DUSP7: variants seen among roughly 807,000 people sequenced by gnomAD.
The protein encoded by DUSP7 is dual specificity protein phosphatase 7.
A neutral mutation model predicts 29.8 loss-of-function variants in DUSP7; 7 were observed. The observed-to-expected ratio is 0.24, with a 90% CI of 0.13 to 0.44. The LOEUF (loss-of-function observed/expected upper bound fraction) is 0.44. Ranked by LOEUF, DUSP7 falls within the 20% of genes least tolerant of loss-of-function variation. The probability of loss-of-function intolerance (pLI) is 1.00; values close to 1 mark genes in which losing one functional copy is unlikely to be tolerated. For missense variants in DUSP7, 400 were observed against 583.7 expected, an observed-to-expected ratio of 0.69 and a Z score of 3.24; for synonymous variants, 287 against 275.4, an observed-to-expected ratio of 1.04 and a Z score of -0.42.
intron 1 of DUSP7, among the ~76,000 whole-genome samples, chr3:52,055,230 CG>C (rs1449712036): frequency 2.6e-5 from 4 of 152,092 alleles, no homozygotes; most frequent in Non-Finnish European, 1.5e-5. Context: ...ACTCGCCCCC[CG>C]GTGCTACCTC....
In DUSP7 at chr3:52,049,548, AG is replaced by A. The variant is rs1476795649; in HGVS notation, c.*1266del. ...GGCAGTAGAAGGCATGGGCAAGATG[AG>A]GGCAGGGCAAGCTTCCAAGGGGACA... On this transcript the variant is annotated 3_prime_UTR_variant, in exon 3 of 3. Transcript: ENST00000495880. The A allele has an allele frequency of 6.6e-6, 1 of 152,364 alleles. No individual in the cohort carries two copies. Among genetic ancestry groups the A allele is most frequent in the Non-Finnish European group, 1.5e-5 (1 of 68,160 alleles). 9.4% of individuals were successfully genotyped at this position (152,364 alleles called of 1,614,324 possible).
Position 52,053,594 on chromosome 3 carries a change from G to T in DUSP7, c.952+346C>A. 3.0e-6 allele frequency: 1 copy of T among 336,564 alleles called. No homozygotes were observed. The highest frequency in any genetic ancestry group is 5.7e-6 in the Non-Finnish European group (1 of 176,562). 20.8% of individuals were successfully genotyped at this position (336,564 alleles called of 1,614,324 possible). ...TGTGCTGAGGCGTGATGCGGAGCAA[G>T]TGAGACCCGTGGGAGGTCTGTGCGC... On this transcript the variant is annotated intron_variant, in intron 2 of 2. Transcript: ENST00000495880. This position sits in a 1 kb window ranked among gnomAD's most constrained non-coding sequence, Gnocchi z 4.6.
rs890114495 is a variant in DUSP7, at chr3:52,056,544, C to A, written c.-178G>T. The A allele has an allele frequency of 1.7e-5, 3 of 175,440 alleles. No individual in the cohort carries two copies. The highest frequency in any genetic ancestry group is 7.2e-5 in the African/African-American group (3 of 41,440). The allele number at this position is 175,440 out of a possible 1,614,324, so 10.9% of individuals were successfully genotyped here. Reference sequence around the variant, plus strand: ...GCCCGCCCGCCCGGCCCTCCGCGCGCACCGCGGCCTGACAGCCCCAATTAA... The same window carrying A: ...GCCCGCCCGCCCGGCCCTCCGCGCGAACCGCGGCCTGACAGCCCCAATTAA... On this transcript the variant is annotated 5_prime_UTR_variant, in exon 1 of 3. Transcript: ENST00000495880. This position sits in a 1 kb window ranked among gnomAD's most constrained non-coding sequence, Gnocchi z 6.4.
chr3:52,054,272 A>G lies in DUSP7; in HGVS notation c.620T>C (p.Leu207Pro). Residue 207 changes from leucine to proline, a missense_variant, in exon 2 of 3, where the codon CTG becomes CCG. By Grantham distance (98) the Leu-to-Pro change is moderately conservative. Transcript: ENST00000495880. This position sits in a 1 kb window ranked among gnomAD's most constrained non-coding sequence, Gnocchi z 4.1. ...SSSPPTSVLG[L>P]GGLRISSDCS... is the part of the protein sequence containing the mutation. Reference sequence around the variant, plus strand: ...GTCAGAGCTGATGCGCAGGCCCCCCAGGCCCAGCACTGAGGTGGGTGGCGA... The same window carrying G: ...GTCAGAGCTGATGCGCAGGCCCCCCGGGCCCAGCACTGAGGTGGGTGGCGA... The G allele has an allele frequency of 6.2e-7, 1 of 1,605,244 alleles. No individual in the cohort carries two copies. Among genetic ancestry groups the G allele is most frequent in the Non-Finnish European group, 8.5e-7 (1 of 1,174,540 alleles).
rs2106895745 is a variant in DUSP7, at chr3:52,056,474, T to TGCGCGCCCGCCGCCCC, written c.-124_-109dup. The TGCGCGCCCGCCGCCCC allele has an allele frequency of 1.9e-6, 1 of 515,358 alleles. No homozygotes were observed. The highest frequency in any genetic ancestry group is 2.5e-6 in the Non-Finnish European group (1 of 403,606). 31.9% of individuals were successfully genotyped at this position (515,358 alleles called of 1,614,324 possible). On this transcript the variant is annotated 5_prime_UTR_variant, in exon 1 of 3. Coordinates refer to ENST00000495880, the MANE Select transcript of DUSP7 (RefSeq NM_001947.4). The surrounding 1 kb of genome is among the most constrained non-coding windows in gnomAD (Gnocchi z 6.4). Reference sequence around the variant, plus strand: ...TCCGGGCGCCCGCCTCCCGCCGAGCTGCGCGCCCGCCGCCCCGGCCTCCCG... The same window carrying TGCGCGCCCGCCGCCCC: ...TCCGGGCGCCCGCCTCCCGCCGAGCTGCGCGCCCGCCGCCCCGCGCGCCCGCCGCCCCGGCCTCCCG...
chr3:52,054,579 G>A lies in DUSP7; in HGVS notation c.518-205C>T, dbSNP rs540917180. Among the ~76,000 whole-genome samples, 2 of 152,260 alleles carry A rather than the reference G, an allele frequency of 1.3e-5. No homozygotes were observed. Among genetic ancestry groups the A allele is most frequent in the Admixed American group, 1.3e-4 (2 of 15,300 alleles). Reference sequence around the variant, plus strand: ...ACCACTTCACAGATAAGGAAACTGAGGCCCCAGAAGGTGAAGTGACGTGCC... The same window carrying A: ...ACCACTTCACAGATAAGGAAACTGAAGCCCCAGAAGGTGAAGTGACGTGCC... On this transcript the variant is annotated intron_variant, in intron 1 of 2. Coordinates refer to ENST00000495880, the MANE Select transcript of DUSP7 (RefSeq NM_001947.4). The surrounding 1 kb of genome is among the most constrained non-coding windows in gnomAD (Gnocchi z 4.1).
Position 52,055,931 on chromosome 3 carries a change from C to T in DUSP7, c.436G>A (p.Glu146Lys). 1 of 1,540,420 alleles carries T rather than the reference C, an allele frequency of 6.5e-7. No homozygotes were observed. ...YDEATAEWQP[E>K]PGAPASVLGL... The stretch of plus-strand genomic sequence containing the variant: ...AGCACGGAGGCGGGAGCGCCGGGCT[C>T]GGGCTGCCACTCGGCCGTGGCCTCG... The change falls in exon 1 of 3, where the codon GAG becomes AAG. Residue 146 changes from glutamate to lysine, a missense_variant. Around this residue, in one of 4 missense-constraint regions of DUSP7, gnomAD observed 223 missense variants for 360.9 expected, o/e 0.62. Coordinates refer to ENST00000495880, the MANE Select transcript of DUSP7 (RefSeq NM_001947.4).
chr3:52,056,026 A>C lies in DUSP7; in HGVS notation c.341T>G (p.Ile114Ser). The change falls in exon 1 of 3, where the codon ATC (isoleucine) becomes AGC (serine). Residue 114 changes from isoleucine (I) to serine (S), a missense_variant. Ile to Ser is a moderately radical substitution (Grantham distance 142). Around this residue, in one of 4 missense-constraint regions of DUSP7, gnomAD observed 223 missense variants for 360.9 expected, o/e 0.62. Transcript: ENST00000495880. This position sits in a 1 kb window ranked among gnomAD's most constrained non-coding sequence, Gnocchi z 6.4. Reference protein sequence around the residue: ...LRKGNLPIRSIIPNHADKERF... With the variant: ...LRKGNLPIRSSIPNHADKERF... ...CTCCTTGTCGGCGTGGTTGGGGATG[A>C]TGGAGCGGATGGGCAGGTTGCCCTT... 1 of 1,594,508 alleles carries C rather than the reference A, an allele frequency of 6.3e-7. No individual in the cohort carries two copies. Among genetic ancestry groups the C allele is most frequent in the Non-Finnish European group, 8.5e-7 (1 of 1,170,888 alleles).
Position 52,054,202 on chromosome 3 carries a change from G to A in DUSP7, c.690C>T (p.Thr230=), listed in dbSNP as rs1437393473. Residue 230 remains threonine (T), a synonymous_variant, in exon 2 of 3, where the codon ACC becomes ACT. Transcript: ENST00000495880. This position sits in a 1 kb window ranked among gnomAD's most constrained non-coding sequence, Gnocchi z 4.1. ...ESDRELPSSA[T]ESDGSPVPSS... ...ATGGCACAGGGCTGCCGTCTGACTCGGTGGCACTGCTGGGCAGCTCTCGGT... is the reference window on the plus strand; with the variant it reads ...ATGGCACAGGGCTGCCGTCTGACTCAGTGGCACTGCTGGGCAGCTCTCGGT... 2.5e-6 allele frequency: 4 copies of A among 1,612,958 alleles called. No individual in the cohort carries two copies. The highest frequency in any genetic ancestry group is 4.5e-5 in the East Asian group (2 of 44,852).
Position 52,054,383 on chromosome 3 carries a change from A to C in DUSP7, c.518-9T>G, listed in dbSNP as rs763158547. On this transcript the variant is annotated splice_polypyrimidine_tract_variant and intron_variant, in intron 1 of 2. Coordinates refer to ENST00000495880, the MANE Select transcript of DUSP7 (RefSeq NM_001947.4). The surrounding 1 kb of genome is among the most constrained non-coding windows in gnomAD (Gnocchi z 4.1). ...AAACTTGTTGAAACCACCTGTGTCC[A>C]GGGTGAGACAGGGCCTGGGTGAGAG... is the stretch of plus-strand genomic sequence containing the variant. 3 of 1,521,506 alleles carry C rather than the reference A, an allele frequency of 2.0e-6. No individual in the cohort carries two copies. The highest frequency in any genetic ancestry group is 2.6e-6 in the Non-Finnish European group (3 of 1,135,380). 94.3% of individuals were successfully genotyped at this position (1,521,506 alleles called of 1,614,324 possible).
rs1157980015 is a variant in DUSP7, at chr3:52,056,397, G to A, written c.-31C>T. The stretch of plus-strand genomic sequence containing the variant: ...GCGCGGGCGGCCCGGGGCCGGGGCC[G>A]GGCAGCCCTGCCCTGGGACGGCGCC... On this transcript the variant is annotated 5_prime_UTR_variant, in exon 1 of 3. Coordinates refer to ENST00000495880, the MANE Select transcript of DUSP7 (RefSeq NM_001947.4). The surrounding 1 kb of genome is among the most constrained non-coding windows in gnomAD (Gnocchi z 6.4). The A allele has an allele frequency of 3.9e-6, 4 of 1,020,976 alleles. No individual in the cohort carries two copies. The highest frequency in any genetic ancestry group is 3.5e-5 in the African/African-American group (2 of 57,436). 63.2% of individuals were successfully genotyped at this position (1,020,976 alleles called of 1,614,324 possible). A position where few individuals can be genotyped will look rare whatever the true frequency, so the allele number is the denominator to read the frequency against.
chr3:52,054,001 G>A lies in DUSP7; in HGVS notation c.891C>T (p.Pro297=). Residue 297 remains proline, a synonymous_variant, in exon 2 of 3, where the codon CCC becomes CCT. Transcript: ENST00000495880. The surrounding 1 kb of genome is among the most constrained non-coding windows in gnomAD (Gnocchi z 4.1). ...GGTTCTGGCTCCAGTGGTCAGAGAT[G>A]GGGATCTGCTTGTAGGTGAACTCGC... The part of the protein sequence containing the change: ...HGGEFTYKQI[P]ISDHWSQNLS... 1.2e-6 allele frequency: 2 copies of A among 1,614,206 alleles called. No individual in the cohort carries two copies. Among genetic ancestry groups the A allele is most frequent in the African/African-American group, 1.3e-5 (1 of 75,048 alleles).
Position 52,054,394 on chromosome 3 carries a change from G to C in DUSP7, c.518-20C>G. ...AACCACCTGTGTCCAGGGTGAGACAGGGCCTGGGTGAGAGGCTGGTGAGAG... is the reference window on the plus strand; with the variant it reads ...AACCACCTGTGTCCAGGGTGAGACACGGCCTGGGTGAGAGGCTGGTGAGAG... On this transcript the variant is annotated intron_variant, in intron 1 of 2. Coordinates refer to ENST00000495880, the MANE Select transcript of DUSP7 (RefSeq NM_001947.4). This position sits in a 1 kb window ranked among gnomAD's most constrained non-coding sequence, Gnocchi z 4.1. 1 of 1,517,082 alleles carries C rather than the reference G, an allele frequency of 6.6e-7. No individual in the cohort carries two copies. The highest frequency in any genetic ancestry group is 8.8e-7 in the Non-Finnish European group (1 of 1,133,482). The allele number at this position is 1,517,082 out of a possible 1,614,324, so 94.0% of individuals were successfully genotyped here. A position where few individuals can be genotyped will look rare whatever the true frequency, so the allele number is the denominator to read the frequency against.
In DUSP7 at chr3:52,056,506, C is replaced by T. The variant is rs980862391; in HGVS notation, c.-140G>A. On this transcript the variant is annotated 5_prime_UTR_variant, in exon 1 of 3. Transcript: ENST00000495880. The surrounding 1 kb of genome is among the most constrained non-coding windows in gnomAD (Gnocchi z 6.4). Reference sequence around the variant, plus strand: ...CCGCCGCCCCGGCCTCCCGGCCTCCCGGCCTCCGTCCCGCCCGCCCGCCCG... The same window carrying T: ...CCGCCGCCCCGGCCTCCCGGCCTCCTGGCCTCCGTCCCGCCCGCCCGCCCG... 1 of 272,320 alleles carries T rather than the reference C, an allele frequency of 3.7e-6. No individual in the cohort carries two copies. Among genetic ancestry groups the T allele is most frequent in the Non-Finnish European group, 5.5e-6 (1 of 180,560 alleles). The allele number at this position is 272,320 out of a possible 1,614,324, so 16.9% of individuals were successfully genotyped here.
In DUSP7 at chr3:52,054,853, G is replaced by C. The variant is rs1242659130; in HGVS notation, c.518-479C>G. ...GCCAGAGCCACATCTGGCTCAGTTA[G>C]AGGCAGAGAGGTCCTGGGCTTCCTG... On this transcript the variant is annotated intron_variant, in intron 1 of 2. Transcript: ENST00000495880. The surrounding 1 kb of genome is among the most constrained non-coding windows in gnomAD (Gnocchi z 4.1). Among the ~76,000 whole-genome samples, 1 of 152,254 alleles carries C rather than the reference G, an allele frequency of 6.6e-6. No homozygotes were observed. Among genetic ancestry groups the C allele is most frequent in the Non-Finnish European group, 1.5e-5 (1 of 68,044 alleles).
chr3:52,055,259 G>A (rs1344919369), intron 1 of DUSP7, among the ~76,000 whole-genome samples: 6 of 149,886 alleles, frequency 4.0e-5, no homozygotes, highest in Non-Finnish European at 7.4e-5. Context: ...TGCAAGCTCC[G>A]GGGCAGCAGG....
At position 52,054,515 on chromosome 3, in the gene DUSP7, A is replaced by C; in HGVS notation, c.518-141T>G. On this transcript the variant is annotated intron_variant, in intron 1 of 2. Coordinates refer to ENST00000495880, the MANE Select transcript of DUSP7 (RefSeq NM_001947.4). This position sits in a 1 kb window ranked among gnomAD's most constrained non-coding sequence, Gnocchi z 4.1. ...GCATGGGCCATGCCAAGCATGTTAC[A>C]CGTGTGCCCTCTCTCGTGTTCTCTC... 1.5e-6 allele frequency: 1 copy of C among 650,862 alleles called. No individual in the cohort carries two copies. The highest frequency in any genetic ancestry group is 2.5e-6 in the Non-Finnish European group (1 of 393,158). 40.3% of individuals were successfully genotyped at this position (650,862 alleles called of 1,614,324 possible).
At chr3:52,052,676 G>T (rs568074159) in intron 2 of DUSP7, 1 of 152,390 alleles carries the variant, frequency 6.6e-6, no homozygotes, top group Non-Finnish European at 1.5e-5. Flanking sequence ...ACTCCTAAGG[G>T]ATGCCTGGGC....
Position 52,051,249 on chromosome 3 carries a change from A to T in DUSP7, c.953-127T>A. 1 of 1,111,052 alleles carries T rather than the reference A, an allele frequency of 9.0e-7. No individual in the cohort carries two copies. The highest frequency in any genetic ancestry group is 1.3e-6 in the Non-Finnish European group (1 of 795,170). 68.8% of individuals were successfully genotyped at this position (1,111,052 alleles called of 1,614,324 possible). On this transcript the variant is annotated intron_variant, in intron 2 of 2. Transcript: ENST00000495880. This position sits in a 1 kb window ranked among gnomAD's most constrained non-coding sequence, Gnocchi z 4.8. ...GCTGGTCTTGCCCGACCCCTGAGGG[A>T]CCTGGCCAAGCCCAGTGTGGGTAGG...
Sources: gnomAD v4.1 joint callset for allele counts (sites outside exome capture counted in the v4.1 genomes callset) on GRCh38, gnomAD v4.1.1 for gene constraint, gnomAD v4.1.1 regional missense constraint, Gnocchi (gnomAD v3.1) non-coding constraint, MANE v1.5 for transcripts, NCBI Gene and HGNC (gene_info 2026-07-23, HGNC 2026-07-21) for gene names.